The following LRMDA variants were observed in gnomAD, a reference collection of about 807,000 sequenced individuals.
LRMDA encodes the protein leucine rich melanocyte differentiation associated.
A neutral mutation model predicts 29.8 loss-of-function variants in LRMDA; 18 were observed. That is an observed-to-expected ratio of 0.60 (90% CI 0.42 to 0.90). The LOEUF (loss-of-function observed/expected upper bound fraction) is 0.90, where lower values mean the gene tolerates loss of function less well. Ranked by LOEUF, LRMDA falls within the 40% of genes least tolerant of loss-of-function variation. The pLI is 0.00. For missense variants in LRMDA, 273 were observed against 273.9 expected (o/e 1.00, Z 0.02); for synonymous variants, 125 against 109.4 (o/e 1.14, Z -0.89).
intron 6 of LRMDA, among the ~76,000 whole-genome samples, chr10:76,486,506 C>G (rs1842783960): frequency 6.6e-6 from 1 of 151,898 alleles, no homozygotes; most frequent in Non-Finnish European, 1.5e-5. Context: ...AATTAGAGGA[C>G]TCTGTTATCT....
rs139942190 is a variant in LRMDA, at chr10:76,265,454, C to T, written c.517-58947C>T. 1.8e-3 allele frequency among the ~76,000 whole-genome samples: 269 copies of T among 152,294 alleles called. 2 individuals carry two copies. The highest frequency in any genetic ancestry group is 3.4e-3 in the Middle Eastern group (1 of 294). On this transcript the variant is annotated intron_variant, in intron 5 of 6. Transcript: ENST00000611255. Reference sequence around the variant, plus strand: ...TTCAGGTGCTCACACTCAGCGCAGCCGAATTCTGCCTTCTCTGTCCTGGGA... The same window carrying T: ...TTCAGGTGCTCACACTCAGCGCAGCTGAATTCTGCCTTCTCTGTCCTGGGA...
chr10:75,684,464 G>A (rs61394812), intron 2 of LRMDA, among the ~76,000 whole-genome samples: 4 of 152,270 alleles, frequency 2.6e-5, no homozygotes, highest in East Asian at 1.9e-4. Flanking sequence ...ATGACTAGTG[G>A]TAAGAAAATT....
At chr10:76,315,268 G>C (rs1840677947) in intron 5 of LRMDA, among the ~76,000 whole-genome samples, 1 of 152,244 alleles carries the variant, frequency 6.6e-6, no homozygotes, top group South Asian at 2.1e-4. Flanking sequence ...GGGCTGGTGG[G>C]AGCCAGGAAC....
At chr10:75,960,316 A>G (rs944693938) in intron 2 of LRMDA, among the ~76,000 whole-genome samples, 1 of 152,242 alleles carries the variant, frequency 6.6e-6, no homozygotes, top group East Asian at 1.9e-4. Flanking sequence ...ACTGAATTTG[A>G]TCATTGCGGC....
chr10:75,721,812 G>A (rs1227813800), intron 2 of LRMDA, among the ~76,000 whole-genome samples: 1 of 152,180 alleles, frequency 6.6e-6, no homozygotes, highest in East Asian at 1.9e-4. Flanking sequence ...TTTTATTGTA[G>A]TAATAAAGAG....
intron 2 of LRMDA, among the ~76,000 whole-genome samples, chr10:75,657,144 G>C (rs191747368): frequency 2.3e-4 from 35 of 152,308 alleles, no homozygotes; most frequent in African/African-American, 7.7e-4. Context: ...TCTATGAGCA[G>C]GTATTTGAAG....
intron 4 of LRMDA, among the ~76,000 whole-genome samples, chr10:76,053,524 G>A (rs1292214868): frequency 1.6e-5 from 2 of 128,166 alleles, no homozygotes; most frequent in Non-Finnish European, 3.7e-5. Context: ...TGGCAAACTT[G>A]TATTACACTC....
At chr10:76,128,072 G>A (rs1386835145) in intron 5 of LRMDA, among the ~76,000 whole-genome samples, 1 of 152,194 alleles carries the variant, frequency 6.6e-6, no homozygotes, top group Non-Finnish European at 1.5e-5. Flanking sequence ...GTTTTGTTTA[G>A]AGGTGAAAGG....
chr10:75,952,063 G>A (rs1028285243), intron 2 of LRMDA, among the ~76,000 whole-genome samples: 1 of 152,152 alleles, frequency 6.6e-6, no homozygotes, highest in Non-Finnish European at 1.5e-5. Context: ...GTGGAGCCCA[G>A]GAGTCACCCC....
intron 2 of LRMDA, among the ~76,000 whole-genome samples, chr10:75,716,827 A>G (rs1223627745): frequency 6.6e-6 from 1 of 152,212 alleles, no homozygotes; most frequent in African/African-American, 2.4e-5. Flanking sequence ...TGTGCAAGCT[A>G]TCATTCCCTT....
chr10:75,565,113 A>G (rs1840353296), intron 2 of LRMDA, among the ~76,000 whole-genome samples: 1 of 152,210 alleles, frequency 6.6e-6, no homozygotes. Flanking sequence ...ACTCAACTCT[A>G]GAAGCAAAAG....
At chr10:75,792,501 G>A (rs1843586288) in intron 2 of LRMDA, among the ~76,000 whole-genome samples, 1 of 152,176 alleles carries the variant, frequency 6.6e-6, no homozygotes, top group Non-Finnish European at 1.5e-5. Context: ...CTGACCTCAT[G>A]ATCCACCCAT....
At chr10:75,472,759 A>G (rs1325876730) in intron 2 of LRMDA, among the ~76,000 whole-genome samples, 1 of 152,178 alleles carries the variant, frequency 6.6e-6, no homozygotes, top group Non-Finnish European at 1.5e-5. Flanking sequence ...TTGACAAGAG[A>G]TGGAGAGGAG....
At chr10:76,478,433 T>G (rs780113622) in intron 6 of LRMDA, among the ~76,000 whole-genome samples, 6 of 151,772 alleles carry the variant, frequency 4.0e-5, no homozygotes, top group Non-Finnish European at 1.5e-5. Context: ...ATAGGAAGAG[T>G]TTTACACTGT....
At chr10:76,089,917 G>C (rs1849202623) in intron 5 of LRMDA, among the ~76,000 whole-genome samples, 1 of 152,186 alleles carries the variant, frequency 6.6e-6, no homozygotes, top group African/African-American at 2.4e-5. Context: ...TGAAATTACA[G>C]AGTGTAACGT....
chr10:76,558,269 A>AAAC lies in LRMDA; in HGVS notation c.*984_*986dup, dbSNP rs1249701507. ...TAGAGTGAAGGGTCAGGAGGTTAAA[A>AAAC]AACAAAATTAAGACTGTTGAAAACA... On this transcript the variant is annotated 3_prime_UTR_variant, in exon 7 of 7. Coordinates refer to ENST00000611255, the MANE Select transcript of LRMDA (RefSeq NM_001305581.2). 8 of 152,344 alleles carry AAAC rather than the reference A, an allele frequency of 5.3e-5. No individual in the cohort carries two copies. Among genetic ancestry groups the AAAC allele is most frequent in the Middle Eastern group, 3.4e-3 (1 of 294 alleles). 9.4% of individuals were successfully genotyped at this position (152,344 alleles called of 1,614,324 possible).
At chr10:75,752,013 CTTCCT>C (rs1446399380) in intron 2 of LRMDA, among the ~76,000 whole-genome samples, 6 of 151,166 alleles carry the variant, frequency 4.0e-5, no homozygotes, top group African/African-American at 1.5e-4. Context: ...ACTTTAATAT[CTTCCT>C]ACTGTAAAAT....
intron 2 of LRMDA, among the ~76,000 whole-genome samples, chr10:75,666,773 A>G (rs937213640): frequency 6.6e-6 from 1 of 152,198 alleles, no homozygotes; most frequent in African/African-American, 2.4e-5. Flanking sequence ...AACAGGCACC[A>G]GTACTGCATA....
intron 2 of LRMDA, among the ~76,000 whole-genome samples, chr10:75,715,683 A>T (rs1043905646): frequency 1.3e-5 from 2 of 152,126 alleles, no homozygotes; most frequent in Non-Finnish European, 2.9e-5. Context: ...TTACCTATAT[A>T]AATATAGCTG....
Sources: allele counts gnomAD v4.1 joint callset (sites outside exome capture counted in the v4.1 genomes callset), GRCh38; gene constraint gnomAD v4.1.1; transcripts MANE v1.5; gene names NCBI Gene and HGNC (gene_info 2026-07-23, HGNC 2026-07-21).